Variants in CCSER1 observed in about 807,000 individuals in gnomAD.
CCSER1 encodes the protein serine-rich coiled-coil domain-containing protein 1.
In CCSER1, 41 loss-of-function variants were observed where a neutral mutation model predicts 82.0. The observed-to-expected ratio is 0.50, with a 90% confidence interval of 0.39 to 0.65. The LOEUF is 0.65. CCSER1 is among the 30% of genes least tolerant of loss of function. The pLI is 0.00. For synonymous variants in CCSER1, 414 were observed against 383.9 expected, an observed-to-expected ratio of 1.08 and a Z score of -0.92; for missense variants, 1,119 against 1,064.2, an observed-to-expected ratio of 1.05 and a Z score of -0.72.
chr4:90,448,750 G>A (rs998594555), intron 4 of CCSER1, among the ~76,000 whole-genome samples: 6 of 151,496 alleles, frequency 4.0e-5, no homozygotes, highest in Non-Finnish European at 8.8e-5. Flanking sequence ...TTTGATACTG[G>A]GCCACAAGAG....
At chr4:91,511,253 A>G (rs541541774) in intron 10 of CCSER1, among the ~76,000 whole-genome samples, 1 of 152,230 alleles carries the variant, frequency 6.6e-6, no homozygotes, top group South Asian at 2.1e-4. Flanking sequence ...AAAGTTGAGT[A>G]ATATGATGCC....
intron 7 of CCSER1, chr4:90,781,684 T>C (rs1250103538): frequency 1.0e-6 from 1 of 970,564 alleles, no homozygotes; most frequent in Non-Finnish European, 1.2e-6. Context: ...GCTTTAGATA[T>C]TAGGGACAAT....
At chr4:90,693,388 G>A (rs1736382829) in intron 6 of CCSER1, 1 of 151,850 alleles carries the variant, frequency 6.6e-6, no homozygotes, top group Non-Finnish European at 1.5e-5. Context: ...ACTCTTCCCA[G>A]CTACAAGTTA....
chr4:91,158,200 C>G (rs892479384), intron 10 of CCSER1, among the ~76,000 whole-genome samples: 2 of 151,958 alleles, frequency 1.3e-5, no homozygotes, highest in Non-Finnish European at 2.9e-5. Context: ...TTGAATATCT[C>G]TCAGTTAGTA....
At position 90,784,994 on chromosome 4, in the gene CCSER1, C is replaced by T. The variant is rs570242109; in HGVS notation, c.2011-30768C>T. Among the ~76,000 whole-genome samples, 35 of 152,134 alleles carry T rather than the reference C, an allele frequency of 2.3e-4. No individual in the cohort carries two copies. The South Asian group carries it at 2.5e-3, about 11-fold the overall frequency. ...GAGGAACAGGAAGATGAAGGGTTGGCCTTGCTTTCTCAGGGGTGGAAGAGG... is the reference window on the plus strand; with the variant it reads ...GAGGAACAGGAAGATGAAGGGTTGGTCTTGCTTTCTCAGGGGTGGAAGAGG... On this transcript the variant is annotated intron_variant, in intron 7 of 10. Coordinates refer to ENST00000509176, the MANE Select transcript of CCSER1 (RefSeq NM_001145065.2).
At chr4:90,735,593 C>G (rs1381078310) in intron 7 of CCSER1, among the ~76,000 whole-genome samples, 2 of 152,040 alleles carry the variant, frequency 1.3e-5, no homozygotes, top group Non-Finnish European at 2.9e-5. Context: ...TCTACATTTT[C>G]TAATTTATTG....
intron 6 of CCSER1, chr4:90,683,055 C>G (rs763551068): frequency 3.9e-5 from 6 of 152,430 alleles, no homozygotes; most frequent in Admixed American, 1.3e-4. Flanking sequence ...CAGCAAGCAA[C>G]ATACTGATAT....
chr4:90,337,666 G>A (rs1315866345), intron 3 of CCSER1, among the ~76,000 whole-genome samples: 3 of 150,874 alleles, frequency 2.0e-5, no homozygotes, highest in Non-Finnish European at 4.4e-5. Context: ...AAATTACTGA[G>A]GATCAAAAAG....
intron 1 of CCSER1, among the ~76,000 whole-genome samples, chr4:90,229,081 G>C (rs1051372209): frequency 6.6e-6 from 1 of 152,216 alleles, no homozygotes; most frequent in African/African-American, 2.4e-5. Context: ...CCCCAATCTA[G>C]CAAGGCAGGC....
intron 5 of CCSER1, among the ~76,000 whole-genome samples, chr4:90,614,185 G>A (rs1720784112): frequency 6.6e-6 from 1 of 152,108 alleles, no homozygotes; most frequent in African/African-American, 2.4e-5. Context: ...TATTGTAATT[G>A]TTTTGAGGTG....
chr4:91,266,925 C>T (rs1270138061), intron 10 of CCSER1, among the ~76,000 whole-genome samples: 2 of 152,062 alleles, frequency 1.3e-5, no homozygotes, highest in Non-Finnish European at 2.9e-5. Flanking sequence ...TTTTCCTGCT[C>T]CTGAATATTT....
At chr4:91,438,805 C>G (rs1272714956) in intron 10 of CCSER1, among the ~76,000 whole-genome samples, 1 of 152,144 alleles carries the variant, frequency 6.6e-6, no homozygotes, top group African/African-American at 2.4e-5. Context: ...TGGAGCTGAA[C>G]ACCAAGGCTC....
At chr4:90,482,753 C>G (rs1325749175) in intron 5 of CCSER1, among the ~76,000 whole-genome samples, 1 of 152,132 alleles carries the variant, frequency 6.6e-6, no homozygotes, top group African/African-American at 2.4e-5. Context: ...GTTATACTTT[C>G]TGTTCTTTTA....
chr4:91,328,532 G>A (rs1746723607), intron 10 of CCSER1, among the ~76,000 whole-genome samples: 1 of 152,146 alleles, frequency 6.6e-6, no homozygotes, highest in Admixed American at 6.5e-5. Flanking sequence ...CAACAGGAGA[G>A]TTGAGTGGGG....
intron 6 of CCSER1, among the ~76,000 whole-genome samples, chr4:90,654,597 A>G (rs892242568): frequency 3.9e-5 from 6 of 152,096 alleles, no homozygotes; most frequent in Non-Finnish European, 7.4e-5. Flanking sequence ...CTTCTCTTTC[A>G]TAGAAGCTAG....
intron 10 of CCSER1, among the ~76,000 whole-genome samples, chr4:91,532,982 C>G (rs1761112447): frequency 1.3e-5 from 2 of 152,160 alleles, no homozygotes; most frequent in African/African-American, 4.8e-5. Flanking sequence ...AAAGCATAAT[C>G]TTTGCAGTGT....
intron 10 of CCSER1, among the ~76,000 whole-genome samples, chr4:91,447,003 A>G (rs1159543610): frequency 6.6e-6 from 1 of 152,130 alleles, no homozygotes; most frequent in Non-Finnish European, 1.5e-5. Context: ...TAGCTGGACC[A>G]TATCACTTGG....
At chr4:90,526,188 C>A (rs1228408071) in intron 5 of CCSER1, among the ~76,000 whole-genome samples, 1 of 152,138 alleles carries the variant, frequency 6.6e-6, no homozygotes, top group African/African-American at 2.4e-5. Context: ...TTCTCAGATT[C>A]TCTCTACTTG....
intron 10 of CCSER1, among the ~76,000 whole-genome samples, chr4:91,480,984 C>A (rs948147038): frequency 4.0e-5 from 6 of 151,720 alleles, no homozygotes; most frequent in African/African-American, 1.2e-4. Flanking sequence ...GAGAGAGAGT[C>A]AGTCTTAGCC....
Sources: allele counts gnomAD v4.1 joint callset (sites outside exome capture counted in the v4.1 genomes callset), GRCh38; gene constraint gnomAD v4.1.1; transcripts MANE v1.5; gene names NCBI Gene and HGNC (gene_info 2026-07-23, HGNC 2026-07-21).